KLHL29: variants seen among roughly 807,000 people sequenced by gnomAD.
KLHL29 encodes kelch like family member 29.
Under a neutral mutation model 80.4 loss-of-function variants are expected in KLHL29, and 21 were observed. That is an observed-to-expected ratio of 0.26 (90% CI 0.19 to 0.38). The LOEUF is 0.38. Among genes scored for constraint, KLHL29 ranks in the 10% least tolerant of loss-of-function variants. The pLI is 1.00. For missense variants in KLHL29, 867 were observed against 1,223.9 expected (o/e 0.71, Z 4.35); for synonymous variants, 511 against 526.8 (o/e 0.97, Z 0.41).
At chr2:23,589,570 T>G (rs966217419) in intron 3 of KLHL29, among the ~76,000 whole-genome samples, 5 of 152,212 alleles carry the variant, frequency 3.3e-5, no homozygotes, top group African/African-American at 2.4e-5. Flanking sequence ...GGAGCCAAGT[T>G]GAGCGGCCTT....
At chr2:23,540,412 C>T (rs1289806508) in intron 2 of KLHL29, among the ~76,000 whole-genome samples, 1 of 152,244 alleles carries the variant, frequency 6.6e-6, no homozygotes, top group East Asian at 1.9e-4. Flanking sequence ...AGAAGCGTTT[C>T]CACCATTGCA....
chr2:23,657,344 T>C (rs1040645683), intron 5 of KLHL29, among the ~76,000 whole-genome samples: 5 of 152,226 alleles, frequency 3.3e-5, no homozygotes, highest in African/African-American at 1.2e-4. Flanking sequence ...CTTTTATTCT[T>C]GCCTCTTTTC....
chr2:23,405,857 G>A (rs544941374), intron 1 of KLHL29, among the ~76,000 whole-genome samples: 1 of 152,282 alleles, frequency 6.6e-6, no homozygotes, highest in East Asian at 1.9e-4. Context: ...CTTCATGGGG[G>A]AAATGAATTT....
At chr2:23,453,689 C>T (rs368146987) in intron 1 of KLHL29, among the ~76,000 whole-genome samples, 2 of 152,204 alleles carry the variant, frequency 1.3e-5, no homozygotes, top group Non-Finnish European at 2.9e-5. Flanking sequence ...CAGAGAAACA[C>T]GATTTATTAT....
chr2:23,682,587 G>A lies in KLHL29; in HGVS notation c.941-1812G>A, dbSNP rs149563287. On this transcript the variant is annotated intron_variant, in intron 5 of 13. Coordinates refer to ENST00000486442, the MANE Select transcript of KLHL29 (RefSeq NM_052920.2). The surrounding 1 kb of genome is among the most constrained non-coding windows in gnomAD (Gnocchi z 4.1). ...TGGAGCTCCCAGGCAAGACTGTTGC[G>A]ATCTGGCCCCGCCCACCGCCTCATT... Among the ~76,000 whole-genome samples, 1,732 of 152,170 alleles carry A rather than the reference G, an allele frequency of 0.011. 19 individuals are homozygous for A. Among genetic ancestry groups the A allele is most frequent in the Middle Eastern group, 0.031 (9 of 294 alleles).
At chr2:23,625,967 G>A (rs1159803527) in intron 3 of KLHL29, among the ~76,000 whole-genome samples, 1 of 152,208 alleles carries the variant, frequency 6.6e-6, no homozygotes, top group African/African-American at 2.4e-5. Context: ...CTGGCACACT[G>A]ATCTCAGAGG....
Position 23,603,453 on chromosome 2 carries a change from G to A in KLHL29, c.286-35686G>A, listed in dbSNP as rs150601902. ...TGCTGGGCCCTGAGCTCTGTGTCTCGGGACAAAAATCCCAGATTCCAGAGC... is the reference window on the plus strand; with the variant it reads ...TGCTGGGCCCTGAGCTCTGTGTCTCAGGACAAAAATCCCAGATTCCAGAGC... On this transcript the variant is annotated intron_variant, in intron 3 of 13. Coordinates refer to ENST00000486442, the MANE Select transcript of KLHL29 (RefSeq NM_052920.2). Among the ~76,000 whole-genome samples, 535 of 152,220 alleles carry A rather than the reference G, an allele frequency of 3.5e-3. 5 individuals are homozygous for A. The highest frequency in any genetic ancestry group is 5.1e-3 in the Non-Finnish European group (350 of 68,002).
intron 1 of KLHL29, among the ~76,000 whole-genome samples, chr2:23,390,206 A>G (rs1361589484): frequency 6.6e-6 from 1 of 152,216 alleles, no homozygotes; most frequent in Admixed American, 6.5e-5. Context: ...TTGTGAAATC[A>G]ATTTTATCGT....
intron 5 of KLHL29, among the ~76,000 whole-genome samples, chr2:23,649,074 T>C (rs535093250): frequency 6.6e-6 from 1 of 152,336 alleles, no homozygotes; most frequent in Non-Finnish European, 1.5e-5. Flanking sequence ...ATCCTAAAGA[T>C]TCTTGGAGGA....
chr2:23,689,585 G>C (rs1671453200), intron 6 of KLHL29: 1 of 152,456 alleles, frequency 6.6e-6, no homozygotes, highest in South Asian at 2.1e-4. Flanking sequence ...GAGCTCCTCT[G>C]CCTGAGGACT....
intron 3 of KLHL29, among the ~76,000 whole-genome samples, chr2:23,608,695 T>A (rs1668786810): frequency 6.6e-6 from 1 of 152,210 alleles, no homozygotes; most frequent in African/African-American, 2.4e-5. Flanking sequence ...AATTACAATA[T>A]GGAGCGTTTA....
intron 2 of KLHL29, among the ~76,000 whole-genome samples, chr2:23,541,772 C>CAAAA (rs545375731): frequency 7.3e-6 from 1 of 137,608 alleles, no homozygotes; most frequent in African/African-American, 2.8e-5. Flanking sequence ...ACCCAAAAAA[C>CAAAA]AAAAAAAAAA....
chr2:23,670,518 C>T (rs1670683064), intron 5 of KLHL29, among the ~76,000 whole-genome samples: 1 of 152,052 alleles, frequency 6.6e-6, no homozygotes, highest in Admixed American at 6.5e-5. Context: ...TCCCCCCAAC[C>T]CCCAGGCCTG....
At position 23,707,192 on chromosome 2, in the gene KLHL29, C is replaced by T. The variant is rs1305140191; in HGVS notation, c.*528C>T. Reference sequence around the variant, plus strand: ...CAAGGCCTAGGAGGCTGCTGGTCCCCACTGGGGCTGAAGAGAAGCCCAGCT... The same window carrying T: ...CAAGGCCTAGGAGGCTGCTGGTCCCTACTGGGGCTGAAGAGAAGCCCAGCT... On this transcript the variant is annotated 3_prime_UTR_variant, in exon 14 of 14. Coordinates refer to ENST00000486442, the MANE Select transcript of KLHL29 (RefSeq NM_052920.2). The T allele has an allele frequency of 6.6e-6, 1 of 152,252 alleles. No homozygotes were observed. Among genetic ancestry groups the T allele is most frequent in the African/African-American group, 2.4e-5 (1 of 41,450 alleles). The allele number at this position is 152,252 out of a possible 1,614,324, so 9.4% of individuals were successfully genotyped here.
chr2:23,523,664 T>C (rs149610251), intron 2 of KLHL29, among the ~76,000 whole-genome samples: 122 of 152,310 alleles, frequency 8.0e-4, no homozygotes, highest in African/African-American at 2.9e-3. Context: ...TTGCCATTAT[T>C]CAGTTCAACA....
chr2:23,481,008 T>C (rs1160567953), intron 2 of KLHL29, among the ~76,000 whole-genome samples: 2 of 152,230 alleles, frequency 1.3e-5, no homozygotes, highest in Non-Finnish European at 2.9e-5. Flanking sequence ...CCACAAATCA[T>C]GTTGTAACAG....
At chr2:23,673,532 A>G (rs945891982) in intron 5 of KLHL29, among the ~76,000 whole-genome samples, 3 of 151,740 alleles carry the variant, frequency 2.0e-5, no homozygotes, top group Non-Finnish European at 4.4e-5. Flanking sequence ...ATATGCATAC[A>G]TGAGGGCACA....
intron 3 of KLHL29, among the ~76,000 whole-genome samples, chr2:23,618,984 C>T (rs541927134): frequency 6.6e-6 from 1 of 152,212 alleles, no homozygotes. Flanking sequence ...CCAGACAGCC[C>T]CCTTTACAGG....
chr2:23,641,322 G>A (rs1669763185), intron 4 of KLHL29, among the ~76,000 whole-genome samples: 1 of 152,162 alleles, frequency 6.6e-6, no homozygotes, highest in Admixed American at 6.5e-5. Context: ...CCCCAGGGCT[G>A]GCCGTGCCCA....
Sources: allele counts gnomAD v4.1 joint callset (sites outside exome capture counted in the v4.1 genomes callset), GRCh38; gene constraint gnomAD v4.1.1; non-coding constraint Gnocchi (gnomAD v3.1); transcripts MANE v1.5; gene names NCBI Gene and HGNC (gene_info 2026-07-23, HGNC 2026-07-21).